The following RBPJ variants were observed in gnomAD, a reference collection of about 807,000 sequenced individuals.
RBPJ encodes the protein recombining binding protein suppressor of hairless.
A neutral mutation model predicts 67.8 loss-of-function variants in RBPJ; 9 were observed. The observed-to-expected ratio is 0.13, with a 90% CI of 0.08 to 0.23. RBPJ has a LOEUF of 0.23. Ranked by LOEUF, RBPJ falls within the 10% of genes least tolerant of loss-of-function variation. The pLI, the probability that RBPJ is intolerant of heterozygous loss-of-function variation, is 1.00. For missense variants in RBPJ, 305 were observed against 595.6 expected, an observed-to-expected ratio of 0.51 and a Z score of 5.08; for synonymous variants, 198 against 203.3, an observed-to-expected ratio of 0.97 and a Z score of 0.22.
At chr4:26,220,624 A>G (rs1036880331) in intron 1 of RBPJ, among the ~76,000 whole-genome samples, 15 of 152,228 alleles carry the variant, frequency 9.9e-5, no homozygotes, top group Non-Finnish European at 2.2e-4. Context: ...TAAAGAATTT[A>G]GAACTGAAGG....
rs1310179826 is a variant in RBPJ at position 26,430,939 on chromosome 4, G to A, written c.1396G>A (p.Gly466Arg). ...TAACGAATCAAACACAAACAGCGAGGGAAGTTACACAAACGCCAGCACAAA... is the reference window on the plus strand; with the variant it reads ...TAACGAATCAAACACAAACAGCGAGAGAAGTTACACAAACGCCAGCACAAA... ...PPNESNTNSEGSYTNASTNST... is the reference protein window; with the variant it reads ...PPNESNTNSERSYTNASTNST... The change falls in exon 11 of 11, where the codon GGA becomes AGA. Residue 466 changes from glycine to arginine, a missense_variant. Transcript: ENST00000355476. This position sits in a 1 kb window ranked among gnomAD's most constrained non-coding sequence, Gnocchi z 4.1. 1.2e-6 allele frequency: 2 copies of A among 1,614,026 alleles called. No homozygotes were observed. The highest frequency in any genetic ancestry group is 1.7e-5 in the Admixed American group (1 of 60,006).
In RBPJ at chr4:26,292,036, A is replaced by T. The variant is rs913524183; in HGVS notation, c.-166-70410A>T. Among the ~76,000 whole-genome samples the T allele has an allele frequency of 4.6e-5, 7 of 150,914 alleles. 1 individual carries two copies. Among genetic ancestry groups the T allele is most frequent in the African/African-American group, 1.7e-4 (7 of 40,982 alleles). Reference sequence around the variant, plus strand: ...TTACCACAATCAAGTTAGTTAACACATCCCTCACGTCACACTTTTACTTTT... The same window carrying T: ...TTACCACAATCAAGTTAGTTAACACTTCCCTCACGTCACACTTTTACTTTT... On this transcript the variant is annotated intron_variant, in intron 1 of 4. Coordinates refer to the RBPJ transcript ENST00000512351.
chr4:26,213,927 C>T (rs893553309), intron 1 of RBPJ, among the ~76,000 whole-genome samples: 15 of 152,112 alleles, frequency 9.9e-5, no homozygotes, highest in Middle Eastern at 6.8e-3. Context: ...AGGGTGATGG[C>T]AAAGGGGAAA....
the RBPJ span, among the ~76,000 whole-genome samples, chr4:26,127,509 C>A: frequency 6.6e-6 from 1 of 152,156 alleles, no homozygotes; most frequent in Non-Finnish European, 1.5e-5. Flanking sequence ...AGGCATCAGG[C>A]ATGATGGCAT....
At chr4:26,188,885 T>G (rs1717374985) in intron 1 of RBPJ, among the ~76,000 whole-genome samples, 1 of 152,210 alleles carries the variant, frequency 6.6e-6, no homozygotes, top group Non-Finnish European at 1.5e-5. Flanking sequence ...TTAATTAATT[T>G]TATAAGTATT....
upstream of RBPJ, chr4:26,319,990 G>A: frequency 9.8e-7 from 1 of 1,022,284 alleles, no homozygotes; most frequent in African/African-American, 1.6e-5. Flanking sequence ...CCTGAAGCGC[G>A]ATTCGGGCAG....
the RBPJ span, among the ~76,000 whole-genome samples, chr4:26,109,783 AC>A: frequency 5.3e-5 from 8 of 150,466 alleles, no homozygotes; most frequent in East Asian, 3.9e-4. Flanking sequence ...ATTAAAAAAA[AC>A]GATTAAAGTT....
intron 1 of RBPJ, among the ~76,000 whole-genome samples, chr4:26,199,409 A>G (rs910099721): frequency 2.6e-5 from 4 of 152,224 alleles, no homozygotes; most frequent in African/African-American, 9.6e-5. Context: ...GAAAAGGTTG[A>G]TAAGAGAACA....
rs111454521 is a variant in RBPJ at position 26,292,972 on chromosome 4, C to T, written c.-166-69474C>T. 3.4e-4 allele frequency among the ~76,000 whole-genome samples: 51 copies of T among 150,684 alleles called. 2 individuals carry two copies. The highest frequency in any genetic ancestry group is 1.2e-3 in the African/African-American group (50 of 40,958). ...TATATGGTTTCCTTCTGATGTTATA[C>T]CCAGAAATGGGACTGCTGGTTCATT... is the stretch of plus-strand genomic sequence containing the variant. On this transcript the variant is annotated intron_variant, in intron 1 of 4. Coordinates refer to the RBPJ transcript ENST00000512351.
At chr4:26,344,349 G>A (rs187041652) in intron 1 of RBPJ, among the ~76,000 whole-genome samples, 1 of 151,802 alleles carries the variant, frequency 6.6e-6, no homozygotes, top group Admixed American at 6.6e-5. Flanking sequence ...ATTCTCCTGC[G>A]TCAGCCTCCG....
the RBPJ span, among the ~76,000 whole-genome samples, chr4:26,114,501 A>ATG: frequency 6.9e-6 from 1 of 144,660 alleles, no homozygotes; most frequent in African/African-American, 2.7e-5. Flanking sequence ...ATATATATGT[A>ATG]TGTGTGTGTG....
intron 1 of RBPJ, among the ~76,000 whole-genome samples, chr4:26,171,733 G>A (rs915626585): frequency 1.1e-4 from 16 of 152,196 alleles, no homozygotes; most frequent in African/African-American, 3.6e-4. Flanking sequence ...TCCAAGATTC[G>A]TAAAGCTCAG....
chr4:26,176,791 A>C (rs1716808697), intron 1 of RBPJ, among the ~76,000 whole-genome samples: 1 of 152,254 alleles, frequency 6.6e-6, no homozygotes, highest in Admixed American at 6.5e-5. Context: ...CCCAAGGCCT[A>C]AGCCAGGCCT....
intron 1 of RBPJ, among the ~76,000 whole-genome samples, chr4:26,335,350 T>A (rs1724699298): frequency 6.6e-6 from 1 of 151,516 alleles, no homozygotes; most frequent in African/African-American, 2.4e-5. Flanking sequence ...CCCGGCTGAT[T>A]TTTTGTATTT....
At chr4:26,314,905 G>A (rs1024697928), upstream of RBPJ, among the ~76,000 whole-genome samples, 12 of 151,886 alleles carry the variant, frequency 7.9e-5, no homozygotes, top group African/African-American at 2.9e-4. Context: ...TCAACATTTT[G>A]GGAGGCTGAG....
intron 2 of RBPJ, among the ~76,000 whole-genome samples, chr4:26,387,471 A>T (rs1430051072): frequency 6.6e-6 from 1 of 152,198 alleles, no homozygotes; most frequent in Non-Finnish European, 1.5e-5. Flanking sequence ...TTCCTTACAG[A>T]TGCATGTCGC....
At chr4:26,347,623 C>G (rs1357823422) in intron 1 of RBPJ, among the ~76,000 whole-genome samples, 1 of 152,160 alleles carries the variant, frequency 6.6e-6, no homozygotes, top group African/African-American at 2.4e-5. Context: ...GAGTATGCAA[C>G]TCTTTTAAGA....
At chr4:26,396,008 C>T (rs1468485093) in intron 2 of RBPJ, among the ~76,000 whole-genome samples, 1 of 152,208 alleles carries the variant, frequency 6.6e-6, no homozygotes, top group African/African-American at 2.4e-5. Flanking sequence ...CATCTCCTCA[C>T]TTTGAGACAG....
At chr4:26,204,085 C>T (rs62409696) in intron 1 of RBPJ, among the ~76,000 whole-genome samples, 10,237 of 152,146 alleles carry the variant, frequency 0.067, 442 homozygotes, top group East Asian at 0.23. Context: ...GCTGGGACCA[C>T]AGGTGCGTGC....
Sources: allele counts gnomAD v4.1 joint callset (sites outside exome capture counted in the v4.1 genomes callset), GRCh38; gene constraint gnomAD v4.1.1; non-coding constraint Gnocchi (gnomAD v3.1); transcripts MANE v1.5; gene names NCBI Gene and HGNC (gene_info 2026-07-23, HGNC 2026-07-21).